OLFM3: variants seen among roughly 807,000 people sequenced by gnomAD.
OLFM3 encodes the protein olfactomedin 3.
A neutral mutation model predicts 48.6 loss-of-function variants in OLFM3; 20 were observed. The ratio of observed to expected loss-of-function variants is 0.41; its 90% CI spans 0.29 to 0.60. OLFM3 has a LOEUF of 0.60. Ranked by LOEUF, OLFM3 falls within the 20% of genes least tolerant of loss-of-function variation. OLFM3 has a pLI of 0.28. For missense variants in OLFM3, 437 were observed against 544.3 expected (o/e 0.80, Z 1.96); for synonymous variants, 222 against 198.1 (o/e 1.12, Z -1.01).
rs142579528 is a variant in OLFM3 at position 101,837,126 on chromosome 1, A to T, written c.70-101T>A. The T allele has an allele frequency of 1.3e-3, 1,539 of 1,219,694 alleles. 16 individuals carry two copies. The highest frequency in any genetic ancestry group is 2.7e-3 in the East Asian group (108 of 39,924). The allele number at this position is 1,219,694 out of a possible 1,614,324, so 75.6% of individuals were successfully genotyped here. The stretch of plus-strand genomic sequence containing the variant: ...AAGTAAAACACTTTTTTGATAATTT[A>T]ACTTTGTGTTTTCAATCTTTAAAGT... On this transcript the variant is annotated intron_variant, in intron 1 of 5. Transcript: ENST00000370103.
chr1:101,830,846 G>T lies in OLFM3; in HGVS notation c.217-19C>A. ...TCTGAACCTGTTGAACAAGAATATTGTCTGTACATTATTATCTGTTTGCAG... is the reference window on the plus strand; with the variant it reads ...TCTGAACCTGTTGAACAAGAATATTTTCTGTACATTATTATCTGTTTGCAG... On this transcript the variant is annotated intron_variant, in intron 2 of 5. Transcript: ENST00000370103. 3.1e-6 allele frequency: 5 copies of T among 1,608,554 alleles called. No individual in the cohort carries two copies. Among genetic ancestry groups the T allele is most frequent in the South Asian group, 1.1e-5 (1 of 90,178 alleles).
At chr1:101,809,940 A>C (rs1653967478) in intron 4 of OLFM3, among the ~76,000 whole-genome samples, 1 of 151,954 alleles carries the variant, frequency 6.6e-6, no homozygotes, top group African/African-American at 2.4e-5. Context: ...TCAGCCCATA[A>C]ACTAATTACA....
intron 1 of OLFM3, among the ~76,000 whole-genome samples, chr1:101,958,331 G>A (rs1030649204): frequency 6.6e-6 from 1 of 151,968 alleles, no homozygotes; most frequent in African/African-American, 2.4e-5. Context: ...TTTCAACTAA[G>A]TCATTTCAGT....
intron 1 of OLFM3, among the ~76,000 whole-genome samples, chr1:101,956,086 G>GTTTTTTTTT (rs71592232): frequency 9.5e-6 from 1 of 105,054 alleles, no homozygotes; most frequent in Non-Finnish European, 2.0e-5. Flanking sequence ...ACAATAACAG[G>GTTTTTTTTT]TTTTTTTTTT....
At chr1:101,950,685 C>T (rs1420668851) in intron 1 of OLFM3, among the ~76,000 whole-genome samples, 1 of 152,004 alleles carries the variant, frequency 6.6e-6, no homozygotes. Context: ...ACCTCGTGAT[C>T]CACCCGCCTC....
Position 101,830,755 on chromosome 1 carries a change from T to C in OLFM3, c.289A>G (p.Met97Val). 1 of 1,614,006 alleles carries C rather than the reference T, an allele frequency of 6.2e-7. No individual in the cohort carries two copies. Residue 97 changes from methionine (M) to valine (V), a missense_variant, in exon 3 of 6, where the codon ATG becomes GTG. Transcript: ENST00000370103. ...TTCAGCCCTTTCATTTGGGTTTCCA[T>C]TTTTAAAACATATTGGAAATCTCTC... ...TQRDFQYVLK[M>V]ETQMKGLKAK... is the part of the protein sequence containing the mutation.
chr1:101,827,649 CA>C (rs1222973482), intron 3 of OLFM3, among the ~76,000 whole-genome samples: 4 of 152,118 alleles, frequency 2.6e-5, no homozygotes, highest in Non-Finnish European at 4.4e-5. Flanking sequence ...ATAAACTCCA[CA>C]AATATATGTT....
intron 1 of OLFM3, among the ~76,000 whole-genome samples, chr1:101,934,287 A>G (rs1355795837): frequency 6.6e-6 from 1 of 152,186 alleles, no homozygotes; most frequent in Non-Finnish European, 1.5e-5. Flanking sequence ...AAGCTAATTA[A>G]AAAAATTAAA....
chr1:101,976,645 C>T (rs1197463552), intron 1 of OLFM3, among the ~76,000 whole-genome samples: 1 of 152,098 alleles, frequency 6.6e-6, no homozygotes, highest in Non-Finnish European at 1.5e-5. Context: ...TATAAGTAAA[C>T]TGAGGCTTGT....
intron 1 of OLFM3, among the ~76,000 whole-genome samples, chr1:101,841,358 A>G (rs1655712125): frequency 6.6e-6 from 1 of 152,232 alleles, no homozygotes; most frequent in Non-Finnish European, 1.5e-5. Context: ...TTTATAAGTC[A>G]TCCATTTTGT....
chr1:101,838,997 G>A (rs371393499), intron 1 of OLFM3, among the ~76,000 whole-genome samples: 6 of 152,144 alleles, frequency 3.9e-5, no homozygotes, highest in South Asian at 2.1e-4. Flanking sequence ...TCTAGGTGCC[G>A]ATAGGCCTTC....
chr1:101,891,574 T>C (rs1194790828), intron 1 of OLFM3, among the ~76,000 whole-genome samples: 1 of 151,938 alleles, frequency 6.6e-6, no homozygotes, highest in Non-Finnish European at 1.5e-5. Flanking sequence ...GATGGATTTT[T>C]TTTTCCCTTA....
At chr1:101,958,138 C>G (rs540368300) in intron 1 of OLFM3, among the ~76,000 whole-genome samples, 1 of 152,028 alleles carries the variant, frequency 6.6e-6, no homozygotes, top group Non-Finnish European at 1.5e-5. Flanking sequence ...AACATTGAAA[C>G]TTTTAAAGGC....
Position 101,902,276 on chromosome 1 carries a change from T to G in OLFM3, c.70-65251A>C, listed in dbSNP as rs187090962. On this transcript the variant is annotated intron_variant, in intron 1 of 5. Transcript: ENST00000370103. ...TATTCAAAAGATCTATTCGATAGAA[T>G]AAGTCCACACTGAATCCTGATTATA... is the stretch of plus-strand genomic sequence containing the variant. Among the ~76,000 whole-genome samples the G allele has an allele frequency of 2.4e-3, 367 of 152,172 alleles. 2 individuals are homozygous for G. Among genetic ancestry groups the G allele is most frequent in the African/African-American group, 8.3e-3 (345 of 41,558 alleles).
intron 1 of OLFM3, among the ~76,000 whole-genome samples, chr1:101,870,607 C>A (rs925543211): frequency 6.6e-6 from 1 of 152,084 alleles, no homozygotes; most frequent in African/African-American, 2.4e-5. Flanking sequence ...ATATTACAGA[C>A]TGTTAATGGT....
In OLFM3 at chr1:101,828,024, CTCTCTCTCTGTCTG is replaced by C. The variant is rs371523490; in HGVS notation, c.372+2634_372+2647del. On this transcript the variant is annotated intron_variant, in intron 3 of 5. Transcript: ENST00000370103. ...CTGCATTCATGCTCTCTCTCTCTCT[CTCTCTCTCTGTCTG>C]TCTGTCTGTCTGTCTCTCTCTCTCT... is the stretch of plus-strand genomic sequence containing the variant. Among the ~76,000 whole-genome samples, 165 of 105,100 alleles carry C rather than the reference CTCTCTCTCTGTCTG, an allele frequency of 1.6e-3. 3 individuals carry two copies. Among genetic ancestry groups the C allele is most frequent in the East Asian group, 2.7e-3 (12 of 4,464 alleles). The allele number at this position is 105,100 out of a possible 152,430, so 68.9% of individuals were successfully genotyped here.
At chr1:101,935,802 G>A (rs1016276206) in intron 1 of OLFM3, among the ~76,000 whole-genome samples, 1 of 151,970 alleles carries the variant, frequency 6.6e-6, no homozygotes, top group African/African-American at 2.4e-5. Context: ...TTTAACCCTA[G>A]GATACAAGAT....
At chr1:101,812,605 C>T (rs1654121537) in intron 4 of OLFM3, 2 of 985,656 alleles carry the variant, frequency 2.0e-6, no homozygotes, top group Non-Finnish European at 2.4e-6. Flanking sequence ...AAACAACCCA[C>T]AGCACATCAC....
chr1:101,875,509 C>T (rs1003436430), intron 1 of OLFM3, among the ~76,000 whole-genome samples: 5 of 151,830 alleles, frequency 3.3e-5, no homozygotes, highest in Non-Finnish European at 7.4e-5. Flanking sequence ...CACTACTTTC[C>T]GCTCTTTTTT....
Sources: allele counts gnomAD v4.1 joint callset (sites outside exome capture counted in the v4.1 genomes callset), GRCh38; gene constraint gnomAD v4.1.1; transcripts MANE v1.5; gene names NCBI Gene and HGNC (gene_info 2026-07-23, HGNC 2026-07-21).